The following MALRD1 variants were observed in gnomAD, a reference collection of about 807,000 sequenced individuals.
The protein encoded by MALRD1 is MAM and LDL-receptor class A domain-containing protein 1.
Under a neutral mutation model 242.1 loss-of-function variants are expected in MALRD1, and 247 were observed. The ratio of observed to expected loss-of-function variants is 1.02; its 90% CI spans 0.92 to 1.13. The LOEUF (loss-of-function observed/expected upper bound fraction) is 1.13. Ranked by LOEUF, MALRD1 falls within the 50% of genes most tolerant of loss-of-function variation. The probability of loss-of-function intolerance (pLI) is 0.00; values close to 1 mark genes in which losing one functional copy is unlikely to be tolerated. For missense variants in MALRD1, 2,989 were observed against 2,533.1 expected (o/e 1.18, Z -3.86); for synonymous variants, 995 against 866.6 (o/e 1.15, Z -2.60).
intron 4 of MALRD1, among the ~76,000 whole-genome samples, chr10:19,088,589 A>T (rs867664794): frequency 0.11 from 6,244 of 56,468 alleles, 163 homozygotes; most frequent in African/African-American, 0.13. Flanking sequence ...TTATTTATTT[A>T]TTTTTTTTTA....
intron 26 of MALRD1, among the ~76,000 whole-genome samples, chr10:19,359,807 T>A (rs918606839): frequency 3.3e-5 from 5 of 151,750 alleles, no homozygotes; most frequent in African/African-American, 1.2e-4. Context: ...ACTGAGGGAT[T>A]CACTACCAAG....
At position 19,612,044 on chromosome 10, in the gene MALRD1, AGCACTCCT is replaced by A. The variant is rs556948982; in HGVS notation, c.6071-3811_6071-3804del. 2.2e-3 allele frequency among the ~76,000 whole-genome samples: 340 copies of A among 152,174 alleles called. 1 individual carries two copies. The highest frequency in any genetic ancestry group is 7.3e-3 in the African/African-American group (304 of 41,558). ...ATGAATGACCCACCCAAAAATGGTC[AGCACTCCT>A]GTACTGTTTGTTTTCTGATACTCTG... On this transcript the variant is annotated intron_variant, in intron 35 of 39. Transcript: ENST00000454679.
At chr10:19,361,872 G>A (rs923791002) in intron 26 of MALRD1, among the ~76,000 whole-genome samples, 4 of 151,982 alleles carry the variant, frequency 2.6e-5, no homozygotes, top group South Asian at 2.1e-4. Flanking sequence ...TCAAAAGTTC[G>A]GTTTTATTGT....
At chr10:19,681,407 G>A (rs1842366731) in intron 36 of MALRD1, among the ~76,000 whole-genome samples, 1 of 151,936 alleles carries the variant, frequency 6.6e-6, no homozygotes, top group South Asian at 2.1e-4. Context: ...CAGCAAGATA[G>A]TCTTTACGCT....
rs556390074 is a variant in MALRD1, at chr10:19,516,761, C to T, written c.5321-14433C>T. ...CTTCTTCCTTGTTCTTTCTCTTCCC[C>T]TTCACCTTCTTCTCCTCCCTCTTCT... On this transcript the variant is annotated intron_variant, in intron 31 of 39. Transcript: ENST00000454679. 5.1e-4 allele frequency among the ~76,000 whole-genome samples: 74 copies of T among 146,060 alleles called. 1 individual carries two copies. In the Middle Eastern group the frequency reaches 0.02, roughly 40 times the overall value.
chr10:19,356,947 A>G (rs756977303), intron 26 of MALRD1, among the ~76,000 whole-genome samples: 5 of 151,924 alleles, frequency 3.3e-5, no homozygotes, highest in African/African-American at 9.7e-5. Context: ...CATCTCTACT[A>G]AAAATACAAA....
At chr10:19,415,943 C>T (rs909605499) in intron 28 of MALRD1, among the ~76,000 whole-genome samples, 1 of 152,146 alleles carries the variant, frequency 6.6e-6, no homozygotes, top group Non-Finnish European at 1.5e-5. Flanking sequence ...CAACCTTTTA[C>T]TTAATGAAGT....
chr10:19,257,526 A>C (rs1839568392), intron 18 of MALRD1, among the ~76,000 whole-genome samples, 158 bp from the exon 19 acceptor site: 1 of 152,188 alleles, frequency 6.6e-6, no homozygotes. Context: ...ATTCAAGGCA[A>C]GATGACCACT....
intron 18 of MALRD1, among the ~76,000 whole-genome samples, chr10:19,220,623 C>T (rs894517874): frequency 3.3e-5 from 5 of 151,992 alleles, no homozygotes; most frequent in East Asian, 1.9e-4. Context: ...TTTAATAATT[C>T]GACCCAGATG....
intron 31 of MALRD1, among the ~76,000 whole-genome samples, chr10:19,504,379 A>G (rs1052181898): frequency 2.6e-5 from 4 of 151,972 alleles, no homozygotes; most frequent in Non-Finnish European, 4.4e-5. Context: ...CTAAACCTCA[A>G]TTTCACTCTT....
At chr10:19,699,121 A>G (rs899940356) in intron 38 of MALRD1, among the ~76,000 whole-genome samples, 3 of 152,034 alleles carry the variant, frequency 2.0e-5, no homozygotes, top group Non-Finnish European at 4.4e-5. Flanking sequence ...TGACGGGTTG[A>G]TGGGTGCAGC....
rs180762519 is a variant in MALRD1 at position 19,105,522 on chromosome 10, G to A, written c.694+1447G>A. On this transcript the variant is annotated intron_variant, in intron 5 of 39. Coordinates refer to ENST00000454679, the MANE Select transcript of MALRD1 (RefSeq NM_001142308.3). ...ACAGAGATTGAATTCGTATCTCTTTGATTTCATTTTCTTTGGATAAATACT... is the reference window on the plus strand; with the variant it reads ...ACAGAGATTGAATTCGTATCTCTTTAATTTCATTTTCTTTGGATAAATACT... 1.1e-3 allele frequency among the ~76,000 whole-genome samples: 169 copies of A among 151,992 alleles called. 4 individuals are homozygous for A. The highest frequency in any genetic ancestry group is 9.5e-3 in the Admixed American group (145 of 15,270).
intron 18 of MALRD1, among the ~76,000 whole-genome samples, chr10:19,234,703 A>T (rs757198671): frequency 6.6e-5 from 10 of 152,246 alleles, no homozygotes; most frequent in Non-Finnish European, 1.2e-4. Flanking sequence ...AGATCCTACT[A>T]TACTCCAGAC....
chr10:19,116,747 A>C (rs139463077), intron 5 of MALRD1, among the ~76,000 whole-genome samples: 1 of 152,146 alleles, frequency 6.6e-6, no homozygotes, highest in Non-Finnish European at 1.5e-5. Flanking sequence ...AGGATTTGAA[A>C]ACCCCTAAAA....
chr10:19,615,789 G>A (rs1374060309), intron 35 of MALRD1, 68 bp from the exon 36 acceptor site: 2 of 1,219,768 alleles, frequency 1.6e-6, no homozygotes, highest in Non-Finnish European at 2.3e-6. Flanking sequence ...ATGACAAATA[G>A]TGATATCTTC....
intron 18 of MALRD1, among the ~76,000 whole-genome samples, chr10:19,239,634 C>T (rs994230415): frequency 2.0e-5 from 3 of 152,092 alleles, no homozygotes; most frequent in Admixed American, 2.0e-4. Context: ...AGTTTTCAAT[C>T]TTACCTTTAG....
intron 21 of MALRD1, among the ~76,000 whole-genome samples, chr10:19,292,614 C>T (rs754604938): frequency 4.6e-5 from 7 of 152,032 alleles, no homozygotes; most frequent in Non-Finnish European, 7.4e-5. Flanking sequence ...TAATGCAGGC[C>T]GGGCGGGGTG....
At position 19,649,101 on chromosome 10, in the gene MALRD1, G is replaced by A. The variant is rs113433400; in HGVS notation, c.6137+33178G>A. Among the ~76,000 whole-genome samples the A allele has an allele frequency of 2.7e-3, 414 of 152,236 alleles. 3 individuals carry two copies. Among genetic ancestry groups the A allele is most frequent in the African/African-American group, 9.6e-3 (400 of 41,550 alleles). Reference sequence around the variant, plus strand: ...TTTTTATGGCTGCATAATATTCCATGGGATGTCTTCCACATTTTCTTTATC... The same window carrying A: ...TTTTTATGGCTGCATAATATTCCATAGGATGTCTTCCACATTTTCTTTATC... On this transcript the variant is annotated intron_variant, in intron 36 of 39. Transcript: ENST00000454679.
chr10:19,193,800 A>G (rs1189955854), intron 14 of MALRD1, among the ~76,000 whole-genome samples: 1 of 148,182 alleles, frequency 6.7e-6, no homozygotes, highest in African/African-American at 2.5e-5. Flanking sequence ...GTCAAGAAGT[A>G]TAAAACATTT....
Sources: gnomAD v4.1 joint callset for allele counts (sites outside exome capture counted in the v4.1 genomes callset) on GRCh38, gnomAD v4.1.1 for gene constraint, MANE v1.5 for transcripts, NCBI Gene and HGNC (gene_info 2026-07-23, HGNC 2026-07-21) for gene names.